SH3GL3: variants seen among roughly 807,000 people sequenced by gnomAD.
SH3GL3 encodes endophilin-A3.
In SH3GL3, 33 loss-of-function variants were observed where a neutral mutation model predicts 47.7. The ratio of observed to expected loss-of-function variants is 0.69; its 90% CI spans 0.52 to 0.92. The LOEUF is 0.92. SH3GL3 is among the 40% of genes least tolerant of loss of function. SH3GL3 has a pLI of 0.00. For missense variants in SH3GL3, 363 were observed against 417.8 expected (o/e 0.87, Z 1.14); for synonymous variants, 155 against 148.8 (o/e 1.04, Z -0.30).
At chr15:83,553,567 G>A (rs932993290) in intron 1 of SH3GL3, among the ~76,000 whole-genome samples, 2 of 152,040 alleles carry the variant, frequency 1.3e-5, no homozygotes, top group Non-Finnish European at 2.9e-5. Context: ...TGCTGGTATG[G>A]ATACTATGTT....
intron 8 of SH3GL3, among the ~76,000 whole-genome samples, chr15:83,610,298 AG>A (rs1156611977): frequency 6.6e-6 from 1 of 152,172 alleles, no homozygotes; most frequent in African/African-American, 2.4e-5. Flanking sequence ...TCACTTTGAG[AG>A]GCCAAAGCAG....
intron 8 of SH3GL3, among the ~76,000 whole-genome samples, chr15:83,613,598 G>A (rs1425971867): frequency 1.3e-5 from 2 of 151,372 alleles, no homozygotes; most frequent in East Asian, 3.9e-4. Flanking sequence ...GGCTTATAGA[G>A]TAAATGGGAG....
intron 6 of SH3GL3, among the ~76,000 whole-genome samples, chr15:83,585,000 G>A (rs535827971): frequency 3.0e-4 from 45 of 152,336 alleles, no homozygotes; most frequent in African/African-American, 1.0e-3. Context: ...GAATGTACCT[G>A]TGTTGGTCCC....
rs546463729 is a variant in SH3GL3 at position 83,487,189 on chromosome 15, T to C, written c.45+39611T>C. On this transcript the variant is annotated intron_variant, in intron 1 of 8. Transcript: ENST00000427482. Reference sequence around the variant, plus strand: ...AAATGTTTTAATCTTGAAGAATTTTTAACCGGTTTACCTGTTTTTTTTTTT... The same window carrying C: ...AAATGTTTTAATCTTGAAGAATTTTCAACCGGTTTACCTGTTTTTTTTTTT... Among the ~76,000 whole-genome samples, 4 of 144,828 alleles carry C rather than the reference T, an allele frequency of 2.8e-5. No homozygotes were observed. In the South Asian group the frequency reaches 8.6e-4, roughly 31 times the overall value.
chr15:83,531,491 GT>G (rs998890581), intron 1 of SH3GL3, among the ~76,000 whole-genome samples: 2 of 152,172 alleles, frequency 1.3e-5, no homozygotes, highest in African/African-American at 4.8e-5. Flanking sequence ...ATGGAGAAGT[GT>G]GAGGTGTTTA....
At chr15:83,491,924 C>G (rs1345254982) in intron 1 of SH3GL3, among the ~76,000 whole-genome samples, 1 of 152,176 alleles carries the variant, frequency 6.6e-6, no homozygotes, top group Non-Finnish European at 1.5e-5. Flanking sequence ...ATAGGAAGGA[C>G]ACAGACTTAC....
intron 8 of SH3GL3, among the ~76,000 whole-genome samples, chr15:83,589,118 C>T (rs968752533): frequency 2.0e-4 from 31 of 151,974 alleles, no homozygotes; most frequent in African/African-American, 6.3e-4. Flanking sequence ...TTAAGTGCTG[C>T]ATCGTTATTT....
At chr15:83,478,151 C>G (rs991520898) in intron 1 of SH3GL3, among the ~76,000 whole-genome samples, 5 of 152,120 alleles carry the variant, frequency 3.3e-5, no homozygotes, top group South Asian at 2.1e-4. Flanking sequence ...TCTGAGAAGA[C>G]CAGACTTTAG....
intron 7 of SH3GL3, among the ~76,000 whole-genome samples, chr15:83,587,586 T>C (rs1487172977): frequency 6.7e-6 from 1 of 149,684 alleles, no homozygotes; most frequent in Non-Finnish European, 1.5e-5. Flanking sequence ...TTTCAGGATA[T>C]GTTCATAATA....
At chr15:83,582,393 T>C (rs2151795481) in intron 6 of SH3GL3, among the ~76,000 whole-genome samples, 1 of 152,238 alleles carries the variant, frequency 6.6e-6, no homozygotes, top group East Asian at 1.9e-4. Context: ...GGTCTTTCCA[T>C]TGGTCTAGAG....
In SH3GL3 at chr15:83,555,177, T is replaced by C. The variant is rs143922423; in HGVS notation, c.46-4076T>C. The stretch of plus-strand genomic sequence containing the variant: ...TCCCATCTATTGGGTTTTTCATTTT[T>C]ATGACTATATAATACTTTTTGTTTC... On this transcript the variant is annotated intron_variant, in intron 1 of 8. Coordinates refer to ENST00000427482, the MANE Select transcript of SH3GL3 (RefSeq NM_003027.5). 7.2e-3 allele frequency among the ~76,000 whole-genome samples: 1,096 copies of C among 152,318 alleles called. 9 individuals are homozygous for C. Among genetic ancestry groups the C allele is most frequent in the Middle Eastern group, 0.041 (12 of 294 alleles).
chr15:83,591,610 GC>G (rs2060100180), intron 8 of SH3GL3, among the ~76,000 whole-genome samples: 1 of 152,012 alleles, frequency 6.6e-6, no homozygotes, highest in African/African-American at 2.4e-5. Context: ...ACATGGGCAG[GC>G]CCCATGAATT....
intron 1 of SH3GL3, among the ~76,000 whole-genome samples, chr15:83,492,299 A>G (rs1001192830): frequency 6.6e-6 from 1 of 151,574 alleles, no homozygotes; most frequent in Non-Finnish European, 1.5e-5. Flanking sequence ...AAAAAAAAAA[A>G]AAAAGGAAGG....
chr15:83,541,438 A>G (rs2044164181), intron 1 of SH3GL3, among the ~76,000 whole-genome samples: 1 of 139,908 alleles, frequency 7.1e-6, no homozygotes, highest in African/African-American at 2.7e-5. Flanking sequence ...GGTTCACGCC[A>G]TTCTCCTGCC....
chr15:83,571,302 C>T (rs1477974787), intron 4 of SH3GL3, among the ~76,000 whole-genome samples: 3 of 152,202 alleles, frequency 2.0e-5, no homozygotes, highest in Non-Finnish European at 2.9e-5. Context: ...AATGAGCTGA[C>T]ATTGTGAGAC....
intron 5 of SH3GL3, among the ~76,000 whole-genome samples, chr15:83,576,275 A>G (rs2059673782): frequency 6.6e-6 from 1 of 152,210 alleles, no homozygotes; most frequent in African/African-American, 2.4e-5. Context: ...GAAGTGAGGG[A>G]TCGTATAAAG....
chr15:83,534,504 T>C (rs1429109163), intron 1 of SH3GL3, among the ~76,000 whole-genome samples: 1 of 152,182 alleles, frequency 6.6e-6, no homozygotes. Context: ...ATTGACCTGA[T>C]TCTGATATTC....
chr15:83,527,360 A>G (rs1047815421), intron 1 of SH3GL3, among the ~76,000 whole-genome samples: 26 of 152,272 alleles, frequency 1.7e-4, no homozygotes, highest in Admixed American at 3.9e-4. Flanking sequence ...CTCCCTTTAG[A>G]TATAATAATA....
At chr15:83,631,998 T>C in the SH3GL3 span, among the ~76,000 whole-genome samples, 1 of 152,178 alleles carries the variant, frequency 6.6e-6, no homozygotes, top group African/African-American at 2.4e-5. Context: ...TAGAAATTTC[T>C]TCCACTAGAT....
Sources: gnomAD v4.1 joint callset for allele counts (sites outside exome capture counted in the v4.1 genomes callset) on GRCh38, gnomAD v4.1.1 for gene constraint, MANE v1.5 for transcripts, NCBI Gene and HGNC (gene_info 2026-07-23, HGNC 2026-07-21) for gene names.